Variants in WWP2 observed in about 807,000 individuals in gnomAD.
WWP2 encodes the protein NEDD4-like E3 ubiquitin-protein ligase WWP2.
A neutral mutation model predicts 121.0 loss-of-function variants in WWP2; 57 were observed. The ratio of observed to expected loss-of-function variants is 0.47; its 90% confidence interval spans 0.38 to 0.59. WWP2 has a LOEUF of 0.59. WWP2 is among the 20% of genes least tolerant of loss of function. The probability of loss-of-function intolerance (pLI) is 0.00; values close to 1 mark genes in which losing one functional copy is unlikely to be tolerated. For synonymous variants in WWP2, 449 were observed against 441.3 expected, an observed-to-expected ratio of 1.02 and a Z score of -0.22; for missense variants, 962 against 1,158.9, an observed-to-expected ratio of 0.83 and a Z score of 2.47.
chr16:69,810,391 C>G (rs1161521563), intron 4 of WWP2, among the ~76,000 whole-genome samples: 2 of 152,052 alleles, frequency 1.3e-5, no homozygotes, highest in African/African-American at 2.4e-5. Context: ...TGGGTAGAAC[C>G]CAGCTTTTGA....
intron 4 of WWP2, among the ~76,000 whole-genome samples, 197 bp from the exon 5 acceptor site, chr16:69,839,929 C>T (rs2056944184): frequency 6.6e-6 from 1 of 152,224 alleles, no homozygotes. Flanking sequence ...GCTTCCCCTC[C>T]AGCCTGATAC....
intron 6 of WWP2, among the ~76,000 whole-genome samples, chr16:69,850,951 G>A (rs9936723): frequency 0.54 from 81,018 of 150,892 alleles, 22,332 homozygotes; most frequent in East Asian, 0.9. Flanking sequence ...TGATGAGCCT[G>A]CATTGACACA....
intron 9 of WWP2, among the ~76,000 whole-genome samples, chr16:69,916,913 C>CTTTGGGAGGCCGAGGTGGG (rs1228925978): frequency 1.3e-5 from 2 of 152,120 alleles, no homozygotes; most frequent in Non-Finnish European, 1.5e-5. Context: ...CCTGTAATCT[C>CTTTGGGAGGCCGAGGTGGG]AGCACTTTGG....
In WWP2 at chr16:69,871,928, A is replaced by G. The variant is rs1393786323; in HGVS notation, c.700A>G (p.Thr234Ala). The change falls in exon 7 of 24, where the codon ACA becomes GCA. Residue 234 changes from threonine (T) to alanine (A), a missense_variant. Physicochemically the swap from Thr to Ala is moderately conservative, Grantham distance 58. Around this residue, in one of 3 missense-constraint regions of WWP2, gnomAD observed 211 missense variants for 196.5 expected, o/e 1.07. Coordinates refer to ENST00000359154, the MANE Select transcript of WWP2 (RefSeq NM_001270454.2). Reference protein sequence around the residue: ...NSGHSGLANGTVNDEPTTATD... With the variant: ...NSGHSGLANGAVNDEPTTATD... ...AGGCCACAGTGGCTTGGCCAATGGC[A>G]CAGGTGAGTGATGGCACCGCACGCC... 1 of 1,613,348 alleles carries G rather than the reference A, an allele frequency of 6.2e-7. No individual in the cohort carries two copies. The highest frequency in any genetic ancestry group is 8.5e-7 in the Non-Finnish European group (1 of 1,179,740).
At chr16:69,810,446 GA>G (rs2056369262) in intron 4 of WWP2, among the ~76,000 whole-genome samples, 1 of 144,820 alleles carries the variant, frequency 6.9e-6, no homozygotes, top group African/African-American at 2.6e-5. Flanking sequence ...TTTTTTTTGA[GA>G]CGGAGTTTCG....
At chr16:69,777,452 C>T (rs2055559992) in intron 1 of WWP2, among the ~76,000 whole-genome samples, 1 of 151,766 alleles carries the variant, frequency 6.6e-6, no homozygotes, top group African/African-American at 2.4e-5. Flanking sequence ...AGGCACCTGC[C>T]ACCACGACCA....
At chr16:69,934,280 AC>A in intron 17 of WWP2, 151 bp downstream of exon 17, 1 of 1,040,004 alleles carries the variant, frequency 9.6e-7, no homozygotes, top group Non-Finnish European at 1.4e-6. Flanking sequence ...GGGCCTGTTC[AC>A]CAGGAGGCAG....
chr16:69,846,623 A>AG (rs1567700537), intron 6 of WWP2, among the ~76,000 whole-genome samples: 1 of 151,814 alleles, frequency 6.6e-6, no homozygotes, highest in Non-Finnish European at 1.5e-5. Flanking sequence ...CGGGAGGCTG[A>AG]GGTAGGAGAA....
intron 1 of WWP2, among the ~76,000 whole-genome samples, chr16:69,762,656 G>T (rs2038639804): frequency 6.6e-6 from 1 of 152,090 alleles, no homozygotes; most frequent in Admixed American, 6.5e-5. Context: ...CAGCTGGAGC[G>T]AGTCCTCCCG....
chr16:69,846,391 G>A (rs561392791), intron 6 of WWP2, among the ~76,000 whole-genome samples: 3 of 152,202 alleles, frequency 2.0e-5, no homozygotes, highest in East Asian at 1.9e-4. Flanking sequence ...AACAATACAT[G>A]TTGTATGGAT....
intron 6 of WWP2, among the ~76,000 whole-genome samples, chr16:69,855,135 C>G (rs2057288143): frequency 6.6e-6 from 1 of 152,250 alleles, no homozygotes; most frequent in Non-Finnish European, 1.5e-5. Flanking sequence ...GCATGAGCCG[C>G]TGAGCCCCAG....
chr16:69,793,364 T>TA (rs752208286), intron 2 of WWP2, among the ~76,000 whole-genome samples: 2 of 151,830 alleles, frequency 1.3e-5, no homozygotes, highest in Non-Finnish European at 2.9e-5. Context: ...AAAATAATAA[T>TA]AATAAATAAA....
Position 69,888,167 on chromosome 16 carries a change from C to T in WWP2, c.832C>T (p.Pro278Ser), listed in dbSNP as rs1306936044. 1 of 1,614,234 alleles carries T rather than the reference C, an allele frequency of 6.2e-7. No individual in the cohort carries two copies. The highest frequency in any genetic ancestry group is 2.2e-5 in the East Asian group (1 of 44,888). Reference sequence around the variant, plus strand: ...GACTTCTCTCCCTGCCCCAGCCACACCGGCTGAAGGAGAGGAACCCAGCAC... The same window carrying T: ...GACTTCTCTCCCTGCCCCAGCCACATCGGCTGAAGGAGAGGAACCCAGCAC... Reference protein sequence around the residue: ...NTTSLPAPATPAEGEEPSTSG... With the variant: ...NTTSLPAPATSAEGEEPSTSG... The change falls in exon 8 of 24, where the codon CCG (proline) becomes TCG (serine). Residue 278 changes from proline (P) to serine (S), a missense_variant. Coordinates refer to ENST00000359154, the MANE Select transcript of WWP2 (RefSeq NM_001270454.2).
chr16:69,937,777 A>T lies in WWP2; in HGVS notation c.2343+125A>T. On this transcript the variant is annotated intron_variant, in intron 21 of 23. Coordinates refer to ENST00000359154, the MANE Select transcript of WWP2 (RefSeq NM_001270454.2). This position sits in a 1 kb window ranked among gnomAD's most constrained non-coding sequence, Gnocchi z 6.6. ...CCTGTCCTTGCCTCCCACACCTTGC[A>T]AAAGGAGACGATAGACCAGCCTTGG... The T allele has an allele frequency of 2.4e-6, 2 of 843,406 alleles. No homozygotes were observed. The highest frequency in any genetic ancestry group is 3.7e-6 in the Non-Finnish European group (2 of 537,456). 52.2% of individuals were successfully genotyped at this position (843,406 alleles called of 1,614,324 possible).
chr16:69,805,780 T>G (rs898458381), intron 4 of WWP2, among the ~76,000 whole-genome samples: 3 of 133,916 alleles, frequency 2.2e-5, no homozygotes, highest in African/African-American at 8.6e-5. Flanking sequence ...ATTTTTTTTC[T>G]TTTTTTTTTT....
intron 8 of WWP2, among the ~76,000 whole-genome samples, chr16:69,891,245 G>A (rs1422489319): frequency 6.6e-6 from 1 of 152,180 alleles, no homozygotes; most frequent in Admixed American, 6.5e-5. Context: ...TTACTTAAAA[G>A]TTTAGGAGAT....
rs553439073 is a variant in WWP2 at position 69,866,680 on chromosome 16, A to G, written c.576-5124A>G. On this transcript the variant is annotated intron_variant, in intron 6 of 23. Coordinates refer to ENST00000359154, the MANE Select transcript of WWP2 (RefSeq NM_001270454.2). ...GGTTGAGTAATACTCATATGTATGCATATACCATACTTTATCCATTTGTCG... is the reference window on the plus strand; with the variant it reads ...GGTTGAGTAATACTCATATGTATGCGTATACCATACTTTATCCATTTGTCG... Among the ~76,000 whole-genome samples, 192 of 152,256 alleles carry G rather than the reference A, an allele frequency of 1.3e-3. 1 individual carries two copies. Among genetic ancestry groups the G allele is most frequent in the African/African-American group, 4.5e-3 (188 of 41,548 alleles).
intron 7 of WWP2, among the ~76,000 whole-genome samples, chr16:69,876,613 C>T (rs1169920802): frequency 6.6e-6 from 1 of 152,134 alleles, no homozygotes; most frequent in Admixed American, 6.5e-5. Context: ...ATTCACTTAC[C>T]TTGGCCTCCC....
At chr16:69,912,498 A>G (rs1369766782) in intron 9 of WWP2, among the ~76,000 whole-genome samples, 2 of 152,014 alleles carry the variant, frequency 1.3e-5, no homozygotes, top group Non-Finnish European at 2.9e-5. Context: ...GAAGGCCAGG[A>G]TGAACTCAGA....
Sources: gnomAD v4.1 joint callset for allele counts (sites outside exome capture counted in the v4.1 genomes callset) on GRCh38, gnomAD v4.1.1 for gene constraint, gnomAD v4.1.1 regional missense constraint, Gnocchi (gnomAD v3.1) non-coding constraint, MANE v1.5 for transcripts, NCBI Gene and HGNC (gene_info 2026-07-23, HGNC 2026-07-21) for gene names.